The following TSNARE1 variants were observed in gnomAD, a reference collection of about 807,000 sequenced individuals.
TSNARE1 encodes t-SNARE domain containing 1.
A neutral mutation model predicts 62.0 loss-of-function variants in TSNARE1; 49 were observed. The observed-to-expected ratio is 0.79, with a 90% CI of 0.63 to 1.00. The LOEUF is 1.00. TSNARE1 is among the 50% of genes least tolerant of loss of function. The pLI is 0.00. For missense variants in TSNARE1, 755 were observed against 700.1 expected (o/e 1.08, Z -0.88); for synonymous variants, 328 against 294.4 (o/e 1.11, Z -1.17).
chr8:142,276,177 C>T (rs2130646284), intron 11 of TSNARE1: 1 of 985,446 alleles, frequency 1.0e-6, no homozygotes, highest in African/African-American at 1.7e-5. Context: ...GGCTCCTGCA[C>T]AAGGAGCCAA....
intron 7 of TSNARE1, among the ~76,000 whole-genome samples, chr8:142,316,958 G>C (rs1236069025): frequency 6.6e-6 from 1 of 151,948 alleles, no homozygotes; most frequent in African/African-American, 2.4e-5. Flanking sequence ...TGCAACCCCA[G>C]CCCTCCCAAG....
At chr8:142,288,902 C>T (rs988741002) in intron 10 of TSNARE1, among the ~76,000 whole-genome samples, 2 of 152,246 alleles carry the variant, frequency 1.3e-5, no homozygotes, top group African/African-American at 2.4e-5. Context: ...CTCCTAGCAC[C>T]ATGGGCTCAT....
chr8:142,400,128 G>A (rs1838179670), intron 1 of TSNARE1, among the ~76,000 whole-genome samples: 1 of 151,932 alleles, frequency 6.6e-6, no homozygotes, highest in Non-Finnish European at 1.5e-5. Context: ...TGAAGGTCAG[G>A]AGCTTGAGTC....
chr8:142,395,340 A>C (rs1837820958), intron 1 of TSNARE1, among the ~76,000 whole-genome samples: 1 of 152,088 alleles, frequency 6.6e-6, no homozygotes, highest in Non-Finnish European at 1.5e-5. Flanking sequence ...CCTCAGGATG[A>C]GGGGATGGGG....
intron 1 of TSNARE1, among the ~76,000 whole-genome samples, chr8:142,373,698 C>T (rs560213649): frequency 1.3e-5 from 2 of 150,936 alleles, no homozygotes; most frequent in African/African-American, 4.9e-5. Flanking sequence ...AAGGAAGGGC[C>T]GAGCACAGAA....
chr8:142,313,306 CTG>C (rs1009409084), intron 9 of TSNARE1, among the ~76,000 whole-genome samples: 1 of 148,716 alleles, frequency 6.7e-6, no homozygotes, highest in Admixed American at 6.7e-5. Context: ...CTGTGTTTAT[CTG>C]TGTCTGCATG....
In TSNARE1 at chr8:142,326,637, G is replaced by A. The variant is rs1366026254; in HGVS notation, c.893+4264C>T. 9.0e-4 allele frequency among the ~76,000 whole-genome samples: 114 copies of A among 127,186 alleles called. 4 individuals are homozygous for A. Among genetic ancestry groups the A allele is most frequent in the African/African-American group, 3.4e-3 (106 of 31,500 alleles). The allele number at this position is 127,186 out of a possible 152,430, so 83.4% of individuals were successfully genotyped here. ...GGAGGGGCCCCGGAGAGCATGAGAC[G>A]GATGAGGAACCAGCACCAGCGAAGG... On this transcript the variant is annotated intron_variant, in intron 6 of 13. Transcript: ENST00000524325.
At position 142,222,908 on chromosome 8, in the gene TSNARE1, C is replaced by CCACTCACTCATTCACTTACTCATCCACT. The variant is rs150555969; in HGVS notation, c.*11+6564_*11+6565insAGTGGATGAGTAAGTGAATGAGTGAGTG. Among the ~76,000 whole-genome samples the CCACTCACTCATTCACTTACTCATCCACT allele has an allele frequency of 4.8e-4, 69 of 145,084 alleles. 1 individual carries two copies. The highest frequency in any genetic ancestry group is 3.8e-3 in the Middle Eastern group (1 of 260). ...TCCACTCACTCATTCACTTACTCAT[C>CCACTCACTCATTCACTTACTCATCCACT]CACTCATTCACTCATTCACTCATCC... On this transcript the variant is annotated intron_variant, in intron 13 of 13. Coordinates refer to ENST00000524325, the MANE Select transcript of TSNARE1 (RefSeq NM_145003.5).
At chr8:142,318,027 G>A (rs762131593) in intron 7 of TSNARE1, among the ~76,000 whole-genome samples, 19 of 152,202 alleles carry the variant, frequency 1.2e-4, no homozygotes, top group African/African-American at 1.9e-4. Context: ...GAGCCGGAAC[G>A]GTAGTGATGG....
chr8:142,311,038 C>T (rs1243136821), intron 9 of TSNARE1, among the ~76,000 whole-genome samples: 5 of 151,836 alleles, frequency 3.3e-5, no homozygotes, highest in East Asian at 3.9e-4. Flanking sequence ...TTAGTAGAGA[C>T]GGGGTTTCAC....
Position 142,315,051 on chromosome 8 carries a change from C to T in TSNARE1, c.1026G>A (p.Leu342=), listed in dbSNP as rs148227392. ...LQQERPQLDR[L]KTQLSDAIQC... ...GAATGGCATCTGAGAGCTGGGTTTTCAGCCGGTCCAGCTGAGGACGCTCCT... is the reference window on the plus strand; with the variant it reads ...GAATGGCATCTGAGAGCTGGGTTTTTAGCCGGTCCAGCTGAGGACGCTCCT... The change falls in exon 8 of 14, where the codon CTG becomes CTA. Residue 342 remains leucine (L), a synonymous_variant. Transcript: ENST00000524325. 3 of 1,614,182 alleles carry T rather than the reference C, an allele frequency of 1.9e-6. No individual in the cohort carries two copies. Among genetic ancestry groups the T allele is most frequent in the Non-Finnish European group, 1.7e-6 (2 of 1,180,038 alleles).
At chr8:142,223,307 CA>C in intron 13 of TSNARE1, among the ~76,000 whole-genome samples, 1 of 93,814 alleles carries the variant, frequency 1.1e-5, no homozygotes, top group East Asian at 2.7e-4. Context: ...ACCACTCACT[CA>C]TTCACTCACT....
intron 10 of TSNARE1, among the ~76,000 whole-genome samples, chr8:142,297,308 G>A (rs544114922): frequency 5.9e-5 from 9 of 152,346 alleles, no homozygotes; most frequent in African/African-American, 1.9e-4. Flanking sequence ...GGACACTCGA[G>A]GAGACCAAGA....
chr8:142,371,099 C>A (rs549228760), intron 1 of TSNARE1, among the ~76,000 whole-genome samples: 4 of 152,210 alleles, frequency 2.6e-5, no homozygotes, highest in Non-Finnish European at 5.9e-5. Context: ...ATATTACTAA[C>A]AACTTTATGC....
At chr8:142,220,509 G>A (rs536359385) in intron 13 of TSNARE1, among the ~76,000 whole-genome samples, 3 of 152,200 alleles carry the variant, frequency 2.0e-5, no homozygotes, top group South Asian at 2.1e-4. Flanking sequence ...CTCACACCCT[G>A]AGGGCAGGGT....
Position 142,255,566 on chromosome 8 carries a change from CCAT to C in TSNARE1, c.1446+19212_1446+19214del, listed in dbSNP as rs566153051. Among the ~76,000 whole-genome samples the C allele has an allele frequency of 3.7e-4, 4 of 10,812 alleles. 1 individual carries two copies. Among genetic ancestry groups the C allele is most frequent in the East Asian group, 5.8e-3 (2 of 346 alleles). 7.1% of individuals were successfully genotyped at this position (10,812 alleles called of 152,430 possible). Reference sequence around the variant, plus strand: ...ATCACCACCACCATCACCATCACCACCATCACCATCACCACCACCACCACCACT... The same window carrying C: ...ATCACCACCACCATCACCATCACCACCACCATCACCACCACCACCACCACT... On this transcript the variant is annotated intron_variant, in intron 12 of 13. Coordinates refer to ENST00000524325, the MANE Select transcript of TSNARE1 (RefSeq NM_145003.5).
chr8:142,385,957 C>T (rs1303925769), intron 1 of TSNARE1, among the ~76,000 whole-genome samples: 2 of 152,160 alleles, frequency 1.3e-5, no homozygotes, highest in Non-Finnish European at 2.9e-5. Context: ...GGACTGAGGC[C>T]CTGTTTCCTT....
chr8:142,301,594 T>C (rs1461430569), intron 9 of TSNARE1, among the ~76,000 whole-genome samples: 1 of 151,368 alleles, frequency 6.6e-6, no homozygotes, highest in Non-Finnish European at 1.5e-5. Context: ...CTTAGGAAGG[T>C]GTGTGTGGTT....
Position 142,344,150 on chromosome 8 carries a change from C to T in TSNARE1, c.561G>A (p.Lys187=). The stretch of plus-strand genomic sequence containing the variant: ...GCACGACGGCTCGTAGGTCCCGCCA[C>T]TTGTGCTTCAGGTCCACAACGTCGC... ...CRRDVVDLKH[K]WRDLRAVVRR... Residue 187 remains lysine, a synonymous_variant, in exon 4 of 14, where the codon AAG becomes AAA. Transcript: ENST00000524325. 6.2e-7 allele frequency: 1 copy of T among 1,613,192 alleles called. No individual in the cohort carries two copies. The highest frequency in any genetic ancestry group is 8.5e-7 in the Non-Finnish European group (1 of 1,179,834).
Sources: gnomAD v4.1 joint callset for allele counts (sites outside exome capture counted in the v4.1 genomes callset) on GRCh38, gnomAD v4.1.1 for gene constraint, MANE v1.5 for transcripts, NCBI Gene and HGNC (gene_info 2026-07-23, HGNC 2026-07-21) for gene names.